CRYBG1: variants seen among roughly 807,000 people sequenced by gnomAD.
The protein encoded by CRYBG1 is crystallin beta-gamma domain containing 1.
CRYBG1 carries 139 observed loss-of-function variants against 189.2 expected under a neutral mutation model. That is an observed-to-expected ratio of 0.73 (90% CI 0.64 to 0.85). The LOEUF (loss-of-function observed/expected upper bound fraction) is 0.85. CRYBG1 is among the 40% of genes least tolerant of loss of function. The pLI, the probability that CRYBG1 is intolerant of heterozygous loss-of-function variation, is 0.00. For synonymous variants in CRYBG1, 1,023 were observed against 1,017.1 expected, an observed-to-expected ratio of 1.01 and a Z score of -0.11; for missense variants, 2,611 against 2,675.8, an observed-to-expected ratio of 0.98 and a Z score of 0.53.
intron 2 of CRYBG1, among the ~76,000 whole-genome samples, chr6:106,452,080 T>C (rs1262746139): frequency 6.8e-6 from 1 of 147,734 alleles, no homozygotes; most frequent in East Asian, 1.9e-4. Context: ...ATATATCATA[T>C]ATAACATTAT....
intron 2 of CRYBG1, among the ~76,000 whole-genome samples, chr6:106,503,394 A>G (rs1773051331): frequency 6.6e-6 from 1 of 152,190 alleles, no homozygotes; most frequent in Non-Finnish European, 1.5e-5. Context: ...TATCACATCC[A>G]TTGCTGTACT....
chr6:106,432,513 C>CG (rs1176200240), intron 1 of CRYBG1, among the ~76,000 whole-genome samples: 1 of 107,252 alleles, frequency 9.3e-6, no homozygotes, highest in East Asian at 6.5e-4. Context: ...AGTACCTACC[C>CG]CCCAGGGAGT....
chr6:106,388,294 G>T (rs1437434677), intron 1 of CRYBG1, among the ~76,000 whole-genome samples: 1 of 152,084 alleles, frequency 6.6e-6, no homozygotes, highest in African/African-American at 2.4e-5. Flanking sequence ...AAATTTTCTA[G>T]GTCCTGAACT....
chr6:106,554,317 A>C (rs1006687679), intron 16 of CRYBG1, among the ~76,000 whole-genome samples: 1 of 152,228 alleles, frequency 6.6e-6, no homozygotes, highest in African/African-American at 2.4e-5. Context: ...CTTTGCATTC[A>C]AATACACAGA....
At chr6:106,536,804 G>A (rs1774014709) in intron 8 of CRYBG1, among the ~76,000 whole-genome samples, 1 of 152,160 alleles carries the variant, frequency 6.6e-6, no homozygotes, top group Non-Finnish European at 1.5e-5. Flanking sequence ...TATGACCCAA[G>A]TACATGGGAA....
intron 1 of CRYBG1, among the ~76,000 whole-genome samples, chr6:106,397,150 A>G (rs1473746114): frequency 6.6e-6 from 1 of 152,206 alleles, no homozygotes; most frequent in African/African-American, 2.4e-5. Flanking sequence ...TGGCAAATAA[A>G]AAGCATATAT....
intron 1 of CRYBG1, among the ~76,000 whole-genome samples, chr6:106,420,410 C>A (rs372924856): frequency 2.6e-5 from 4 of 152,170 alleles, no homozygotes; most frequent in African/African-American, 7.2e-5. Context: ...TACACATTGT[C>A]TTGTGCTCAG....
At chr6:106,420,831 G>A (rs936302100) in intron 1 of CRYBG1, 1 of 152,350 alleles carries the variant, frequency 6.6e-6, no homozygotes, top group African/African-American at 2.4e-5. Context: ...GAAAAAAAAG[G>A]TTGTGTTTTT....
intron 13 of CRYBG1, among the ~76,000 whole-genome samples, chr6:106,549,114 G>A (rs998366763): frequency 1.3e-5 from 2 of 152,014 alleles, no homozygotes; most frequent in Non-Finnish European, 2.9e-5. Context: ...TGGTGTATAT[G>A]TGCCACATTT....
rs569669842 is a variant in CRYBG1 at position 106,449,596 on chromosome 6, T to G, written c.174-2098T>G. Reference sequence around the variant, plus strand: ...CACTAACTTAGGGTACTGGAACAATTAATAAAAATAGGTCTTGATGTAAGA... The same window carrying G: ...CACTAACTTAGGGTACTGGAACAATGAATAAAAATAGGTCTTGATGTAAGA... On this transcript the variant is annotated intron_variant, in intron 1 of 21. Transcript: ENST00000633556. 2.0e-5 allele frequency: 3 copies of G among 152,298 alleles called. No individual in the cohort carries two copies. In the South Asian group the frequency reaches 6.2e-4, roughly 32 times the overall value. The allele number at this position is 152,298 out of a possible 1,614,324, so 9.4% of individuals were successfully genotyped here.
chr6:106,375,421 G>GTAAA (rs534278338), intron 1 of CRYBG1, among the ~76,000 whole-genome samples: 1,506 of 125,352 alleles, frequency 0.012, 49 homozygotes, highest in African/African-American at 0.056. Context: ...AAGTAAGTAA[G>GTAAA]TAAATAAATA....
Position 106,521,117 on chromosome 6 carries a change from T to C in CRYBG1, c.3909T>C (p.Leu1303=). 2 of 1,614,142 alleles carry C rather than the reference T, an allele frequency of 1.2e-6. No individual in the cohort carries two copies. Among genetic ancestry groups the C allele is most frequent in the African/African-American group, 1.3e-5 (1 of 75,014 alleles). ...PCGLNKEQSN[L]LPDNSLKVFN... is the part of the protein sequence containing the mutation. The stretch of plus-strand genomic sequence containing the variant: ...GTTTGAACAAAGAACAGTCAAATCT[T>C]CTGCCCGACAACTCCTTAAAGGTCT... The change falls in exon 4 of 22, where the codon CTT becomes CTC. Residue 1303 remains leucine (L), a synonymous_variant. Transcript: ENST00000633556.
intron 16 of CRYBG1, among the ~76,000 whole-genome samples, chr6:106,555,314 G>A (rs1774509389): frequency 6.6e-6 from 1 of 151,818 alleles, no homozygotes; most frequent in Non-Finnish European, 1.5e-5. Flanking sequence ...TTGACTCCTG[G>A]CCCAGTGCAG....
chr6:106,558,361 G>A lies in CRYBG1; in HGVS notation c.5716-125G>A, dbSNP rs1582839203. 4.2e-5 allele frequency: 30 copies of A among 706,242 alleles called. No individual in the cohort carries two copies. In the East Asian group the frequency reaches 8.5e-4, roughly 20 times the overall value. 43.7% of individuals were successfully genotyped at this position (706,242 alleles called of 1,614,324 possible). A position where few individuals can be genotyped will look rare whatever the true frequency, so the allele number is the denominator to read the frequency against. The stretch of plus-strand genomic sequence containing the variant: ...AAACATCCAGGCTCCCTTGGAAAAG[G>A]AGTTTATGGAAAGGCCAAATCTAGC... On this transcript the variant is annotated intron_variant, in intron 17 of 21. Transcript: ENST00000633556.
At chr6:106,368,110 G>A (rs1388530028) in intron 1 of CRYBG1, among the ~76,000 whole-genome samples, 2 of 151,320 alleles carry the variant, frequency 1.3e-5, no homozygotes, top group Admixed American at 1.3e-4. Context: ...ATCTTACTAT[G>A]AACATTAAAA....
chr6:106,514,767 C>T (rs987254292), intron 3 of CRYBG1, among the ~76,000 whole-genome samples: 11 of 152,222 alleles, frequency 7.2e-5, no homozygotes, highest in African/African-American at 2.7e-4. Context: ...TGAAATTCTT[C>T]GTTTGCTGTT....
At chr6:106,402,252 C>A (rs1302958629) in intron 1 of CRYBG1, among the ~76,000 whole-genome samples, 1 of 106,472 alleles carries the variant, frequency 9.4e-6, no homozygotes, top group Non-Finnish European at 1.9e-5. Context: ...AATGCCATCC[C>A]CATCAAGCTA....
chr6:106,486,272 G>A (rs1264028569), intron 2 of CRYBG1, among the ~76,000 whole-genome samples: 1 of 118,248 alleles, frequency 8.5e-6, no homozygotes, highest in Non-Finnish European at 1.9e-5. Context: ...GGTTTCCAAA[G>A]TTTTTCTTCT....
intron 1 of CRYBG1, among the ~76,000 whole-genome samples, chr6:106,442,407 G>A (rs1468208029): frequency 6.6e-6 from 1 of 152,158 alleles, no homozygotes; most frequent in Non-Finnish European, 1.5e-5. Context: ...TTTTGGACTA[G>A]AGAGCTAAGG....
Sources: allele counts gnomAD v4.1 joint callset (sites outside exome capture counted in the v4.1 genomes callset), GRCh38; gene constraint gnomAD v4.1.1; transcripts MANE v1.5; gene names NCBI Gene and HGNC (gene_info 2026-07-23, HGNC 2026-07-21).